The following DLGAP2 variants were observed in gnomAD, a reference collection of about 807,000 sequenced individuals.
The protein encoded by DLGAP2 is disks large-associated protein 2.
Under a neutral mutation model 100.3 loss-of-function variants are expected in DLGAP2, and 26 were observed. The observed-to-expected ratio is 0.26, with a 90% CI of 0.19 to 0.36. The LOEUF is 0.36. Ranked by LOEUF, DLGAP2 falls within the 10% of genes least tolerant of loss-of-function variation. The pLI, the probability that DLGAP2 is intolerant of heterozygous loss-of-function variation, is 1.00. For synonymous variants in DLGAP2, 886 were observed against 630.1 expected (o/e 1.41, Z -6.08); for missense variants, 1,858 against 1,453.2 (o/e 1.28, Z -4.53).
chr8:1,500,936 C>G (rs370849056), intron 3 of DLGAP2, among the ~76,000 whole-genome samples: 31 of 152,308 alleles, frequency 2.0e-4, no homozygotes, highest in African/African-American at 7.0e-4. Flanking sequence ...ATGAAGCTTT[C>G]TAGACCGGAA....
chr8:1,412,043 C>T (rs945113234), intron 3 of DLGAP2, among the ~76,000 whole-genome samples: 1 of 152,244 alleles, frequency 6.6e-6, no homozygotes, highest in Non-Finnish European at 1.5e-5. Flanking sequence ...GATGTCCTGC[C>T]ATGGACCCTC....
At chr8:1,157,714 T>A (rs562255006) in intron 2 of DLGAP2, among the ~76,000 whole-genome samples, 1 of 152,302 alleles carries the variant, frequency 6.6e-6, no homozygotes, top group South Asian at 2.1e-4. Flanking sequence ...AAATAACACA[T>A]GGCACCATGA....
chr8:930,506 G>A (rs1468391560), intron 2 of DLGAP2, among the ~76,000 whole-genome samples: 34 of 152,196 alleles, frequency 2.2e-4, no homozygotes, highest in Admixed American at 2.2e-3. Context: ...GTCCGAGGAG[G>A]GGACTTCAAT....
intron 4 of DLGAP2, among the ~76,000 whole-genome samples, chr8:1,522,760 G>A (rs925978712): frequency 5.9e-5 from 9 of 152,116 alleles, no homozygotes; most frequent in Non-Finnish European, 1.3e-4. Flanking sequence ...AATTACACGC[G>A]CCAAGTGGTT....
chr8:1,412,541 C>G (rs917144605), intron 3 of DLGAP2, among the ~76,000 whole-genome samples: 2 of 152,190 alleles, frequency 1.3e-5, no homozygotes, highest in African/African-American at 4.8e-5. Flanking sequence ...CCTTGTGTAT[C>G]CTTGGTAAGC....
At chr8:1,581,345 C>G (rs954311817) in intron 6 of DLGAP2, among the ~76,000 whole-genome samples, 1 of 150,150 alleles carries the variant, frequency 6.7e-6, no homozygotes, top group Non-Finnish European at 1.5e-5. Context: ...AGGATACAGA[C>G]AAAACTCCAC....
intron 3 of DLGAP2, among the ~76,000 whole-genome samples, chr8:1,361,552 C>A (rs1347059571): frequency 1.3e-5 from 2 of 152,196 alleles, no homozygotes; most frequent in Non-Finnish European, 2.9e-5. Context: ...TCTTCTTGCT[C>A]GTGATTGTTT....
chr8:1,118,389 A>G (rs1286216984), intron 2 of DLGAP2, among the ~76,000 whole-genome samples: 1 of 152,210 alleles, frequency 6.6e-6, no homozygotes, highest in Non-Finnish European at 1.5e-5. Context: ...GACTGAGGAC[A>G]GTGAAAAGAG....
At chr8:976,590 C>T (rs532328122) in intron 2 of DLGAP2, among the ~76,000 whole-genome samples, 57 of 152,028 alleles carry the variant, frequency 3.7e-4, no homozygotes, top group Non-Finnish European at 7.5e-4. Flanking sequence ...CCAGCCTGGG[C>T]GACAGAGCAA....
chr8:1,469,387 C>T (rs577100617), intron 3 of DLGAP2, among the ~76,000 whole-genome samples: 9 of 152,328 alleles, frequency 5.9e-5, no homozygotes, highest in African/African-American at 1.9e-4. Flanking sequence ...GCTGTTAATG[C>T]GTGGCCACCA....
chr8:795,665 G>GCT (rs1796011741), intron 1 of DLGAP2, among the ~76,000 whole-genome samples: 2 of 124,708 alleles, frequency 1.6e-5, no homozygotes, highest in Admixed American at 9.2e-5. Flanking sequence ...AGTGAGAGCA[G>GCT]GTGTCCAGTG....
At chr8:1,443,789 C>G (rs985712938) in intron 3 of DLGAP2, among the ~76,000 whole-genome samples, 6 of 152,128 alleles carry the variant, frequency 3.9e-5, no homozygotes, top group African/African-American at 1.4e-4. Flanking sequence ...CCTGGCCCCA[C>G]CCTTGACACG....
At chr8:881,852 C>T (rs149653759) in intron 1 of DLGAP2, among the ~76,000 whole-genome samples, 2 of 152,130 alleles carry the variant, frequency 1.3e-5, no homozygotes, top group East Asian at 3.9e-4. Flanking sequence ...TGCCCTGTCA[C>T]TTTGTTCCCA....
At chr8:1,519,281 A>G (rs76000604) in intron 4 of DLGAP2, among the ~76,000 whole-genome samples, 19 of 149,820 alleles carry the variant, frequency 1.3e-4, no homozygotes, top group African/African-American at 4.2e-4. Context: ...TGAAAACCAA[A>G]AAGCATAGAA....
intron 2 of DLGAP2, among the ~76,000 whole-genome samples, chr8:1,076,330 G>C (rs1803608527): frequency 6.6e-6 from 1 of 152,254 alleles, no homozygotes; most frequent in African/African-American, 2.4e-5. Flanking sequence ...CACAGACACT[G>C]AGCTGCAAGT....
intron 1 of DLGAP2, among the ~76,000 whole-genome samples, chr8:747,763 T>C (rs942736126): frequency 9.8e-4 from 1 of 1,020 alleles, no homozygotes. Context: ...GATGGGGGTC[T>C]CTGCGGTGGG....
chr8:1,123,780 A>G (rs747848391), intron 2 of DLGAP2, among the ~76,000 whole-genome samples: 53 of 152,076 alleles, frequency 3.5e-4, no homozygotes, highest in Non-Finnish European at 4.6e-4. Context: ...TAGGAATAAA[A>G]CTTCAGCACT....
At chr8:1,568,513 T>C (rs1321575756) in intron 6 of DLGAP2, among the ~76,000 whole-genome samples, 31 of 128,958 alleles carry the variant, frequency 2.4e-4, no homozygotes, top group African/African-American at 5.5e-4. Flanking sequence ...CATGCCACTG[T>C]CCACTCAGCA....
chr8:1,271,503 A>G (rs778213638), intron 3 of DLGAP2, among the ~76,000 whole-genome samples: 1 of 152,230 alleles, frequency 6.6e-6, no homozygotes, highest in Non-Finnish European at 1.5e-5. Flanking sequence ...TTATCTGAGT[A>G]CCGAGGAAAC....
Sources: allele counts gnomAD v4.1 joint callset (sites outside exome capture counted in the v4.1 genomes callset), GRCh38; gene constraint gnomAD v4.1.1; transcripts MANE v1.5; gene names NCBI Gene and HGNC (gene_info 2026-07-23, HGNC 2026-07-21).